Variants in TAF5L observed in about 807,000 individuals in gnomAD.
TAF5L encodes TAF5-like RNA polymerase II p300/CBP-associated factor-associated factor 65 kDa subunit 5L.
In TAF5L, 7 loss-of-function variants were observed where a neutral mutation model predicts 51.3. The observed-to-expected ratio is 0.14, with a 90% CI of 0.08 to 0.26. The LOEUF (loss-of-function observed/expected upper bound fraction) is 0.26. Ranked by LOEUF, TAF5L falls within the 10% of genes least tolerant of loss-of-function variation. The probability of loss-of-function intolerance (pLI) is 1.00; values close to 1 mark genes in which losing one functional copy is unlikely to be tolerated. For missense variants in TAF5L, 575 were observed against 758.9 expected (o/e 0.76, Z 2.85); for synonymous variants, 291 against 308.1 (o/e 0.94, Z 0.58).
chr1:229,600,784 CAG>C (rs1664345355), intron 4 of TAF5L: 2 of 985,242 alleles, frequency 2.0e-6, no homozygotes, highest in Admixed American at 6.2e-5. Flanking sequence ...CAGTAGTGGC[CAG>C]AGTCTTAAAA....
chr1:229,601,970 C>A (rs889708566), intron 4 of TAF5L: 1 of 1,368,162 alleles, frequency 7.3e-7, no homozygotes, highest in Non-Finnish European at 9.5e-7. Flanking sequence ...AGTATAAATA[C>A]TGACCATTCA....
At chr1:229,617,479 C>T (rs1022446181) in intron 1 of TAF5L, among the ~76,000 whole-genome samples, 4 of 152,178 alleles carry the variant, frequency 2.6e-5, no homozygotes, top group Non-Finnish European at 4.4e-5. Context: ...GAAATCTTTC[C>T]GGCTTCCACA....
intron 1 of TAF5L, among the ~76,000 whole-genome samples, chr1:229,622,134 G>A (rs1039210712): frequency 8.6e-5 from 13 of 151,550 alleles, no homozygotes; most frequent in African/African-American, 3.2e-4. Context: ...ATTATGTTTT[G>A]CATTTAACAC....
rs753710900 is a variant in TAF5L, at chr1:229,614,184, G to C, written c.142+157C>G. On this transcript the variant is annotated intron_variant, in intron 2 of 4. Transcript: ENST00000258281. The stretch of plus-strand genomic sequence containing the variant: ...GCTCTAAATGACAGACAGGGTCTCT[G>C]AGGCCAACATCATTCACTTAACGTA... 2.7e-5 allele frequency: 32 copies of C among 1,203,242 alleles called. 1 individual carries two copies. The highest frequency in any genetic ancestry group is 3.8e-4 in the Middle Eastern group (2 of 5,262). The allele number at this position is 1,203,242 out of a possible 1,614,324, so 74.5% of individuals were successfully genotyped here. A position where few individuals can be genotyped will look rare whatever the true frequency, so the allele number is the denominator to read the frequency against.
rs1252206391 is a variant in TAF5L, at chr1:229,602,729, G to A, written c.438C>T (p.Ile146=). The change falls in exon 4 of 5, where the codon ATC becomes ATT. Residue 146 remains isoleucine, a synonymous_variant. Coordinates refer to ENST00000258281, the Ensembl canonical transcript of TAF5L. The surrounding 1 kb of genome is among the most constrained non-coding windows in gnomAD (Gnocchi z 4.6). Reference sequence around the variant, plus strand: ...GCTTGAAGTTAGATAGGATGTCCTGGATGGTTTGAGTGGTCTGTAGCTGCT... The same window carrying A: ...GCTTGAAGTTAGATAGGATGTCCTGAATGGTTTGAGTGGTCTGTAGCTGCT... 4 of 1,614,030 alleles carry A rather than the reference G, an allele frequency of 2.5e-6. No individual in the cohort carries two copies. Among genetic ancestry groups the A allele is most frequent in the Non-Finnish European group, 3.4e-6 (4 of 1,180,042 alleles).
intron 3 of TAF5L, chr1:229,607,544 C>T (rs1292719958): frequency 2.1e-6 from 2 of 936,244 alleles, no homozygotes; most frequent in African/African-American, 1.8e-5. Flanking sequence ...ATCCATCCTT[C>T]AAGTGCTGAC....
chr1:229,604,491 C>T (rs530674227), intron 3 of TAF5L, among the ~76,000 whole-genome samples: 5 of 152,250 alleles, frequency 3.3e-5, no homozygotes, highest in Non-Finnish European at 5.9e-5. Flanking sequence ...AAGGGAGTTA[C>T]AGTGTTGGCT....
chr1:229,601,860 G>C, intron 4 of TAF5L: 1 of 1,068,688 alleles, frequency 9.4e-7, no homozygotes, highest in Non-Finnish European at 1.1e-6. Context: ...CTGAGCAAAT[G>C]TGCACACACA....
Position 229,594,138 on chromosome 1 carries a change from T to C in TAF5L, c.*159A>G, listed in dbSNP as rs1241977398. 2 of 810,926 alleles carry C rather than the reference T, an allele frequency of 2.5e-6. No homozygotes were observed. Among genetic ancestry groups the C allele is most frequent in the Non-Finnish European group, 3.9e-6 (2 of 518,908 alleles). The allele number at this position is 810,926 out of a possible 1,614,324, so 50.2% of individuals were successfully genotyped here. A position where few individuals can be genotyped will look rare whatever the true frequency, so the allele number is the denominator to read the frequency against. On this transcript the variant is annotated 3_prime_UTR_variant, in exon 5 of 5. Transcript: ENST00000258281. This position sits in a 1 kb window ranked among gnomAD's most constrained non-coding sequence, Gnocchi z 7.9. ...CCTCCCCAACCTTGGCCTTCGACAC[T>C]GGGGGGCTGAGTGAAGGGGGACCTG... is the stretch of plus-strand genomic sequence containing the variant.
intron 1 of TAF5L, among the ~76,000 whole-genome samples, chr1:229,615,660 A>C (rs1167246012): frequency 3.3e-5 from 5 of 152,132 alleles, no homozygotes; most frequent in Non-Finnish European, 5.9e-5. Context: ...TATTGAGTTT[A>C]TTATCAACAA....
chr1:229,605,108 G>GTATGTGTATATATATATATATA (rs1553270421), intron 3 of TAF5L, among the ~76,000 whole-genome samples: 9 of 118,668 alleles, frequency 7.6e-5, no homozygotes, highest in African/African-American at 2.6e-4. Context: ...ATTTTTGTAT[G>GTATGTGTATATATATATATATA]TATATATATA....
At chr1:229,600,645 C>T (rs995317931) in intron 4 of TAF5L, 2 of 985,444 alleles carry the variant, frequency 2.0e-6, no homozygotes, top group East Asian at 1.1e-4. Context: ...CTTGGCCCCT[C>T]TCCTAACTCC....
intron 1 of TAF5L, among the ~76,000 whole-genome samples, chr1:229,621,383 A>T (rs6656876): frequency 6.7e-6 from 1 of 148,976 alleles, no homozygotes; most frequent in African/African-American, 2.5e-5. Context: ...ATTGCCAAAC[A>T]TTGTGAAGTT....
chr1:229,619,654 A>G lies in TAF5L; in HGVS notation c.-3-5169T>C, dbSNP rs190143360. On this transcript the variant is annotated intron_variant, in intron 1 of 4. Coordinates refer to ENST00000258281, the Ensembl canonical transcript of TAF5L. ...TAAACCTTCACCAGTCTCCTCACCC[A>G]GCCAGCTGACCCTGCTTCTGACCTC... 2.4e-4 allele frequency among the ~76,000 whole-genome samples: 36 copies of G among 152,310 alleles called. No individual in the cohort carries two copies. In the East Asian group the frequency reaches 6.4e-3, roughly 27 times the overall value.
intron 1 of TAF5L, among the ~76,000 whole-genome samples, chr1:229,621,579 G>C (rs1359592619): frequency 1.3e-5 from 2 of 152,118 alleles, no homozygotes; most frequent in Non-Finnish European, 2.9e-5. Flanking sequence ...AGAAACAGCA[G>C]CTAATTTCTT....
At chr1:229,624,658 G>A (rs777753867) in intron 1 of TAF5L, among the ~76,000 whole-genome samples, 80 of 152,226 alleles carry the variant, frequency 5.3e-4, no homozygotes, top group Non-Finnish European at 7.9e-4. Context: ...TTATAGATGA[G>A]GAAACTACAG....
intron 3 of TAF5L, among the ~76,000 whole-genome samples, chr1:229,608,289 G>A (rs1000663504): frequency 1.3e-5 from 2 of 152,140 alleles, no homozygotes; most frequent in Non-Finnish European, 2.9e-5. Flanking sequence ...TATCTTATCA[G>A]TTTCATGGTT....
intron 1 of TAF5L, among the ~76,000 whole-genome samples, chr1:229,616,063 G>A (rs1387223738): frequency 6.6e-6 from 1 of 152,062 alleles, no homozygotes; most frequent in Non-Finnish European, 1.5e-5. Context: ...CACCCAGACT[G>A]GAGTGCAATG....
At chr1:229,599,793 G>A in intron 4 of TAF5L, 2 of 980,026 alleles carry the variant, frequency 2.0e-6, no homozygotes, top group Non-Finnish European at 2.4e-6. Flanking sequence ...TTGGATATAT[G>A]TCTAGAAGTG....
Sources: allele counts gnomAD v4.1 joint callset (sites outside exome capture counted in the v4.1 genomes callset), GRCh38; gene constraint gnomAD v4.1.1; non-coding constraint Gnocchi (gnomAD v3.1); transcripts MANE v1.5; gene names NCBI Gene and HGNC (gene_info 2026-07-23, HGNC 2026-07-21).